Variants in AFF3 observed in about 807,000 individuals in gnomAD.
AFF3 encodes the protein ALF transcription elongation factor 3, also known as AF4/FMR2 family member 3.
A neutral mutation model predicts 129.7 loss-of-function variants in AFF3; 32 were observed. The observed-to-expected ratio is 0.25, with a 90% CI of 0.19 to 0.33. The LOEUF (loss-of-function observed/expected upper bound fraction) is 0.33, where lower values mean the gene tolerates loss of function less well. Ranked by LOEUF, AFF3 falls within the 10% of genes least tolerant of loss-of-function variation. The probability of loss-of-function intolerance (pLI) is 1.00; values close to 1 mark genes in which losing one functional copy is unlikely to be tolerated. For synonymous variants in AFF3, 644 were observed against 635.4 expected (o/e 1.01, Z -0.20); for missense variants, 1,373 against 1,592.0 (o/e 0.86, Z 2.34).
intron 7 of AFF3, among the ~76,000 whole-genome samples, chr2:99,878,380 G>A (rs1692454489): frequency 6.6e-6 from 1 of 152,082 alleles, no homozygotes; most frequent in African/African-American, 2.4e-5. Context: ...TTAGGGTCAG[G>A]GAAAATTTTC....
At chr2:99,906,921 G>A (rs1694761152) in intron 7 of AFF3, among the ~76,000 whole-genome samples, 1 of 151,508 alleles carries the variant, frequency 6.6e-6, no homozygotes, top group African/African-American at 2.4e-5. Context: ...TTTCTCTGTT[G>A]GAGCCCATAC....
At chr2:100,127,977 C>T (rs1692269690) in intron 2 of AFF3, among the ~76,000 whole-genome samples, 2 of 152,152 alleles carry the variant, frequency 1.3e-5, no homozygotes, top group South Asian at 4.1e-4. Flanking sequence ...AGTAAAGAAG[C>T]CGGCTAAATC....
At chr2:100,011,651 T>C in intron 4 of AFF3, 1 of 763,700 alleles carries the variant, frequency 1.3e-6, no homozygotes. Context: ...TGCATGAGTC[T>C]GTCAGCATAT....
At chr2:99,583,944 C>T (rs2104848483) in intron 16 of AFF3, among the ~76,000 whole-genome samples, 1 of 151,916 alleles carries the variant, frequency 6.6e-6, no homozygotes. Context: ...CTCAGGTGAT[C>T]CACCTGCCTC....
chr2:99,820,177 G>C (rs1378313821), intron 8 of AFF3, among the ~76,000 whole-genome samples: 1 of 152,072 alleles, frequency 6.6e-6, no homozygotes, highest in Non-Finnish European at 1.5e-5. Flanking sequence ...AAGCATCATA[G>C]AGTGCACTTA....
At chr2:99,599,516 A>G (rs1679611851) in intron 14 of AFF3, among the ~76,000 whole-genome samples, 1 of 152,182 alleles carries the variant, frequency 6.6e-6, no homozygotes, top group Non-Finnish European at 1.5e-5. Context: ...TCAGCCTCCC[A>G]AAGTGCTGGG....
intron 11 of AFF3, among the ~76,000 whole-genome samples, chr2:99,725,573 G>T (rs1679301247): frequency 6.6e-6 from 1 of 152,016 alleles, no homozygotes; most frequent in Non-Finnish European, 1.5e-5. Context: ...CAAGTGATCT[G>T]CCTGCCTCGG....
chr2:99,623,692 T>C (rs904996087), intron 13 of AFF3, among the ~76,000 whole-genome samples: 2 of 152,236 alleles, frequency 1.3e-5, no homozygotes, highest in Non-Finnish European at 2.9e-5. Flanking sequence ...AGCCACCCAC[T>C]GCATGTGCCC....
At chr2:99,743,466 C>A (rs778203661) in intron 10 of AFF3, among the ~76,000 whole-genome samples, 1 of 152,164 alleles carries the variant, frequency 6.6e-6, no homozygotes, top group African/African-American at 2.4e-5. Flanking sequence ...TTTTAGGACA[C>A]GAGCAGGGTA....
At chr2:99,882,743 T>C (rs921708812) in intron 7 of AFF3, among the ~76,000 whole-genome samples, 3 of 152,234 alleles carry the variant, frequency 2.0e-5, no homozygotes, top group Admixed American at 6.5e-5. Flanking sequence ...AGAACTGAAC[T>C]CAATGCAAGG....
intron 4 of AFF3, among the ~76,000 whole-genome samples, chr2:100,014,416 G>A (rs1017633575): frequency 2.0e-5 from 3 of 151,990 alleles, no homozygotes; most frequent in African/African-American, 7.2e-5. Context: ...ATTCACTTTC[G>A]TCCAAAAGCA....
At chr2:99,707,919 T>G (rs759914573) in intron 11 of AFF3, among the ~76,000 whole-genome samples, 27 of 152,216 alleles carry the variant, frequency 1.8e-4, no homozygotes, top group Admixed American at 2.6e-4. Flanking sequence ...TCTTGTATTA[T>G]TCTCTGAATT....
chr2:99,761,832 A>G (rs1682623104), intron 8 of AFF3, among the ~76,000 whole-genome samples: 1 of 152,138 alleles, frequency 6.6e-6, no homozygotes, highest in Non-Finnish European at 1.5e-5. Context: ...TTTGTTCCAA[A>G]GTTTCCAGTG....
chr2:99,737,748 G>A lies in AFF3; in HGVS notation c.1039+6356C>T, dbSNP rs181996945. 2.7e-3 allele frequency among the ~76,000 whole-genome samples: 404 copies of A among 149,962 alleles called. 5 individuals carry two copies. Among genetic ancestry groups the A allele is most frequent in the South Asian group, 2.5e-3 (12 of 4,736 alleles). On this transcript the variant is annotated intron_variant, in intron 10 of 24. Transcript: ENST00000672756. ...CATCAATCATCTTCAGTACTGTCTC[G>A]CTTCCCTTTCCCTTTCTGAAATTCT...
At chr2:99,591,476 C>T (rs1305609970) in intron 15 of AFF3, among the ~76,000 whole-genome samples, 5 of 152,120 alleles carry the variant, frequency 3.3e-5, no homozygotes, top group Non-Finnish European at 2.9e-5. Flanking sequence ...CTTGAGCCAC[C>T]GTACCCGGTC....
At chr2:99,582,739 G>A in intron 17 of AFF3, 59 bp downstream of exon 17, 1 of 1,568,818 alleles carries the variant, frequency 6.4e-7, no homozygotes, top group Non-Finnish European at 8.8e-7. Flanking sequence ...TAGAGACAGA[G>A]CTTGGGGGTG....
At chr2:99,986,201 A>AAATAAT (rs35535526) in intron 7 of AFF3, among the ~76,000 whole-genome samples, 12,065 of 136,944 alleles carry the variant, frequency 0.088, 577 homozygotes, top group South Asian at 0.18. Flanking sequence ...ACTTCATCTC[A>AAATAAT]AATAATAATA....
chr2:99,968,811 C>T (rs931553334), intron 7 of AFF3, among the ~76,000 whole-genome samples: 5 of 152,236 alleles, frequency 3.3e-5, no homozygotes, highest in Non-Finnish European at 7.3e-5. Flanking sequence ...TTCCTCCTGC[C>T]TTTCCCTTTA....
At chr2:99,835,460 T>A (rs1688797854) in intron 8 of AFF3, among the ~76,000 whole-genome samples, 1 of 152,000 alleles carries the variant, frequency 6.6e-6, no homozygotes. Flanking sequence ...GGGTAGAGGA[T>A]CTTGGAGAAT....
Sources: gnomAD v4.1 joint callset for allele counts (sites outside exome capture counted in the v4.1 genomes callset) on GRCh38, gnomAD v4.1.1 for gene constraint, MANE v1.5 for transcripts, NCBI Gene and HGNC (gene_info 2026-07-23, HGNC 2026-07-21) for gene names.